Variants in DNAH6 observed in about 807,000 individuals in gnomAD.
DNAH6 encodes dynein axonemal heavy chain 6.
A neutral mutation model predicts 491.4 loss-of-function variants in DNAH6; 340 were observed. The ratio of observed to expected loss-of-function variants is 0.69; its 90% CI spans 0.63 to 0.76. The LOEUF (loss-of-function observed/expected upper bound fraction) is 0.76, where lower values mean the gene tolerates loss of function less well. Among genes scored for constraint, DNAH6 ranks in the 30% least tolerant of loss-of-function variants. The pLI is 0.00. For missense variants in DNAH6, 4,443 were observed against 4,972.2 expected, an observed-to-expected ratio of 0.89 and a Z score of 3.20; for synonymous variants, 1,603 against 1,686.1, an observed-to-expected ratio of 0.95 and a Z score of 1.21.
Position 84,553,063 on chromosome 2 carries a change from G to T in DNAH6, c.1602+29G>T. On this transcript the variant is annotated intron_variant, in intron 10 of 76. Transcript: ENST00000389394. Reference sequence around the variant, plus strand: ...TGTGTTTTTCATGTATTATCCACATGCAAGCACCTATTTGGAAAATGAAGC... The same window carrying T: ...TGTGTTTTTCATGTATTATCCACATTCAAGCACCTATTTGGAAAATGAAGC... The T allele has an allele frequency of 5.3e-6, 7 of 1,324,596 alleles. 1 individual carries two copies. In the South Asian group the frequency reaches 9.4e-5, roughly 18 times the overall value. 82.1% of individuals were successfully genotyped at this position (1,324,596 alleles called of 1,614,324 possible).
Position 84,621,450 on chromosome 2 carries a change from G to T in DNAH6, c.3970G>T (p.Val1324Phe). 6.5e-7 allele frequency: 1 copy of T among 1,539,986 alleles called. No individual in the cohort carries two copies. Among genetic ancestry groups the T allele is most frequent in the Non-Finnish European group, 8.8e-7 (1 of 1,136,978 alleles). Reference sequence around the variant, plus strand: ...TGTTTTCTTGCAGGTTATCCTGACTGTTTCTCAAATTATGTGGTGCCGTGA... The same window carrying T: ...TGTTTTCTTGCAGGTTATCCTGACTTTTTCTCAAATTATGTGGTGCCGTGA... ...AGHPSQVILT[V>F]SQIMWCRDLT... The change falls in exon 26 of 77, where the codon GTT (valine) becomes TTT (phenylalanine). Residue 1324 changes from valine (V) to phenylalanine (F), a missense_variant. Around this residue, in one of 3 missense-constraint regions of DNAH6, gnomAD observed 2,977 missense variants for 3,296.6 expected, o/e 0.90. Transcript: ENST00000389394.
At chr2:84,682,987 T>G (rs534466876) in intron 42 of DNAH6, among the ~76,000 whole-genome samples, 1 of 152,290 alleles carries the variant, frequency 6.6e-6, no homozygotes, top group South Asian at 2.1e-4. Context: ...TCCTTGCTAC[T>G]GCCACCTCCT....
chr2:84,813,894 G>C (rs1680240065), intron 74 of DNAH6, 77 bp from the exon 75 acceptor site: 2 of 1,463,250 alleles, frequency 1.4e-6, no homozygotes, highest in African/African-American at 2.8e-5. Flanking sequence ...AGGGCAGCCT[G>C]GTTTGGATGA....
intron 4 of DNAH6, among the ~76,000 whole-genome samples, chr2:84,542,267 C>A (rs915632421): frequency 2.0e-5 from 3 of 152,116 alleles, no homozygotes; most frequent in African/African-American, 7.2e-5. Flanking sequence ...AATGAAACAT[C>A]TGAAGTTTGT....
rs775889156 is a variant in DNAH6 at position 84,703,483 on chromosome 2, A to G, written c.8150A>G (p.Glu2717Gly). 1.3e-6 allele frequency: 2 copies of G among 1,551,488 alleles called. No individual in the cohort carries two copies. The highest frequency in any genetic ancestry group is 2.4e-5 in the South Asian group (2 of 84,014). The change falls in exon 50 of 77, where the codon GAG (glutamate) becomes GGG (glycine). Residue 2717 changes from glutamate to glycine, a missense_variant. Around this residue, in one of 3 missense-constraint regions of DNAH6, gnomAD observed 2,977 missense variants for 3,296.6 expected, o/e 0.90. Coordinates refer to ENST00000389394, the MANE Select transcript of DNAH6 (RefSeq NM_001370.2). ...DKMKLDLSAL[E>G]PVLLAKSEDV... Reference sequence around the variant, plus strand: ...ATGAAACTAGATCTTTCAGCTTTAGAGCCTGTACTTTTAGCAAAATCAGAA... The same window carrying G: ...ATGAAACTAGATCTTTCAGCTTTAGGGCCTGTACTTTTAGCAAAATCAGAA...
intron 41 of DNAH6, among the ~76,000 whole-genome samples, chr2:84,677,623 A>G (rs1201328875): frequency 6.6e-6 from 1 of 152,210 alleles, no homozygotes. Flanking sequence ...TCTTTTGTCC[A>G]TCTGTACTCA....
chr2:84,661,574 G>T (rs1258387278), intron 37 of DNAH6, among the ~76,000 whole-genome samples: 1 of 151,978 alleles, frequency 6.6e-6, no homozygotes, highest in Non-Finnish European at 1.5e-5. Context: ...CAACTACTTA[G>T]GAATAAAAGT....
chr2:84,559,293 G>A (rs1330144376), intron 11 of DNAH6, among the ~76,000 whole-genome samples: 1 of 152,040 alleles, frequency 6.6e-6, no homozygotes, highest in Admixed American at 6.6e-5. Flanking sequence ...CATTAGTTCT[G>A]GGGGAGGAAA....
At chr2:84,637,089 T>C (rs994952728) in intron 30 of DNAH6, 121 bp from the exon 31 acceptor site, 1 of 751,078 alleles carries the variant, frequency 1.3e-6, no homozygotes, top group South Asian at 2.3e-5. Flanking sequence ...TGTCCAACAA[T>C]GGTATTCAGT....
At chr2:84,808,112 G>GA (rs1170621254) in intron 71 of DNAH6, among the ~76,000 whole-genome samples, 4 of 146,988 alleles carry the variant, frequency 2.7e-5, no homozygotes, top group Non-Finnish European at 6.0e-5. Flanking sequence ...TAATGTTTGA[G>GA]AAAAAAAAGT....
intron 56 of DNAH6, among the ~76,000 whole-genome samples, chr2:84,712,309 G>A (rs1429816791): frequency 6.6e-6 from 1 of 152,184 alleles, no homozygotes; most frequent in African/African-American, 2.4e-5. Flanking sequence ...TGGGTACCAT[G>A]TCACAATGTG....
the DNAH6 span, among the ~76,000 whole-genome samples, chr2:84,469,185 C>CAG: frequency 2.0e-5 from 3 of 152,104 alleles, no homozygotes; most frequent in Non-Finnish European, 4.4e-5. This position sits in a 1 kb window ranked among gnomAD's most constrained non-coding sequence, Gnocchi z 4.0. Flanking sequence ...ACCGTTTGCA[C>CAG]AGAGAGAGAG....
chr2:84,519,167 C>G (rs1675894532), intron 2 of DNAH6, among the ~76,000 whole-genome samples: 1 of 152,026 alleles, frequency 6.6e-6, no homozygotes. Context: ...AGCCAACAGC[C>G]TGTATCAACT....
At chr2:84,642,839 T>C (rs1312074870) in intron 33 of DNAH6, among the ~76,000 whole-genome samples, 1 of 152,182 alleles carries the variant, frequency 6.6e-6, no homozygotes, top group African/African-American at 2.4e-5. Context: ...ATATATAATA[T>C]ATACACAGGC....
the DNAH6 span, among the ~76,000 whole-genome samples, chr2:84,508,436 C>A: frequency 5.0e-3 from 754 of 152,030 alleles, 7 homozygotes; most frequent in African/African-American, 0.017. Context: ...TTTTTTATTG[C>A]GTCTATTTGA....
At chr2:84,692,378 T>A (rs568845633) in intron 45 of DNAH6, among the ~76,000 whole-genome samples, 3 of 152,062 alleles carry the variant, frequency 2.0e-5, no homozygotes, top group Non-Finnish European at 4.4e-5. Flanking sequence ...TTAAAATATT[T>A]GAACATTGTT....
chr2:84,480,711 C>T, the DNAH6 span, among the ~76,000 whole-genome samples: 1 of 152,136 alleles, frequency 6.6e-6, no homozygotes, highest in Non-Finnish European at 1.5e-5. Flanking sequence ...GCCTGTAATC[C>T]CAGCACTTTG....
At chr2:84,787,351 G>GTTGGT in intron 68 of DNAH6, 49 bp downstream of exon 68, 1 of 1,491,438 alleles carries the variant, frequency 6.7e-7, no homozygotes, top group African/African-American at 1.4e-5. Flanking sequence ...CCACAAAGTT[G>GTTGGT]TTGGTTTACT....
chr2:84,636,603 A>C (rs1329653280), intron 30 of DNAH6, among the ~76,000 whole-genome samples: 1 of 152,182 alleles, frequency 6.6e-6, no homozygotes, highest in Admixed American at 6.6e-5. Flanking sequence ...AGTAAAAGTG[A>C]AGGGGTGGTG....
Sources: gnomAD v4.1 joint callset for allele counts (sites outside exome capture counted in the v4.1 genomes callset) on GRCh38, gnomAD v4.1.1 for gene constraint, gnomAD v4.1.1 regional missense constraint, Gnocchi (gnomAD v3.1) non-coding constraint, MANE v1.5 for transcripts, NCBI Gene and HGNC (gene_info 2026-07-23, HGNC 2026-07-21) for gene names.